Variants in RGS6 observed in about 807,000 individuals in gnomAD.
RGS6 encodes regulator of G protein signaling 6, also known as regulator of G-protein signaling 6.
RGS6 carries 30 observed loss-of-function variants against 78.5 expected under a neutral mutation model. That is an observed-to-expected ratio of 0.38 (90% CI 0.29 to 0.52). The LOEUF is 0.52. Ranked by LOEUF, RGS6 falls within the 20% of genes least tolerant of loss-of-function variation. RGS6 has a pLI of 0.85. For missense variants in RGS6, 495 were observed against 609.7 expected (o/e 0.81, Z 1.98); for synonymous variants, 206 against 206.0 (o/e 1.00, Z 0.00).
intron 2 of RGS6, among the ~76,000 whole-genome samples, chr14:72,188,351 C>A (rs2097276217): frequency 6.6e-6 from 1 of 152,192 alleles, no homozygotes; most frequent in Non-Finnish European, 1.5e-5. Flanking sequence ...AGTATTTGCT[C>A]AGAACCACCA....
At chr14:72,007,913 C>T (rs2084897805) in intron 2 of RGS6, among the ~76,000 whole-genome samples, 1 of 152,130 alleles carries the variant, frequency 6.6e-6, no homozygotes, top group Non-Finnish European at 1.5e-5. Flanking sequence ...ATAAAGAGTA[C>T]AAAATGCAGA....
At chr14:72,532,235 A>T (rs1372076533) in intron 15 of RGS6, among the ~76,000 whole-genome samples, 3 of 152,194 alleles carry the variant, frequency 2.0e-5, no homozygotes, top group African/African-American at 7.2e-5. Context: ...TTATATGTTT[A>T]TGGTGATCTG....
chr14:71,961,191 A>G (rs1383316474), intron 1 of RGS6, among the ~76,000 whole-genome samples: 3 of 152,182 alleles, frequency 2.0e-5, no homozygotes, highest in Admixed American at 6.5e-5. Context: ...GAGTGCTGTC[A>G]TGAATAGAGG....
chr14:72,563,955 G>T lies in RGS6; in HGVS notation c.*1488G>T, dbSNP rs985093694. ...ACAAAAAACATAGAAGCAATAAAGCGATCGCTGGTATTTCTTTTCTCATGC... is the reference window on the plus strand; with the variant it reads ...ACAAAAAACATAGAAGCAATAAAGCTATCGCTGGTATTTCTTTTCTCATGC... On this transcript the variant is annotated 3_prime_UTR_variant, in exon 18 of 18. Transcript: ENST00000553525. 1 of 152,070 alleles carries T rather than the reference G, an allele frequency of 6.6e-6. No individual in the cohort carries two copies. The highest frequency in any genetic ancestry group is 1.5e-5 in the Non-Finnish European group (1 of 68,012). The allele number at this position is 152,070 out of a possible 1,614,324, so 9.4% of individuals were successfully genotyped here.
the RGS6 span, among the ~76,000 whole-genome samples, chr14:72,611,121 C>A: frequency 4.6e-5 from 7 of 152,226 alleles, no homozygotes; most frequent in East Asian, 1.4e-3. Flanking sequence ...GGCCACCCCC[C>A]ACAGAGAAGC....
the RGS6 span, among the ~76,000 whole-genome samples, chr14:72,594,074 G>T: frequency 1.3e-5 from 2 of 152,166 alleles, no homozygotes; most frequent in African/African-American, 4.8e-5. Flanking sequence ...AGCCCCAAAA[G>T]ATAGTGTGGG....
At chr14:72,160,808 G>A (rs2096842287) in intron 2 of RGS6, among the ~76,000 whole-genome samples, 1 of 152,142 alleles carries the variant, frequency 6.6e-6, no homozygotes, top group African/African-American at 2.4e-5. Flanking sequence ...CAGCCCTCCA[G>A]GACTGTGAGA....
At chr14:72,188,501 ATCAT>A (rs2097279485) in intron 2 of RGS6, among the ~76,000 whole-genome samples, 1 of 151,994 alleles carries the variant, frequency 6.6e-6, no homozygotes, top group African/African-American at 2.4e-5. Flanking sequence ...CATCATCATC[ATCAT>A]CAATGAAAAT....
intron 3 of RGS6, among the ~76,000 whole-genome samples, chr14:72,364,479 G>A (rs944397531): frequency 7.2e-5 from 11 of 152,124 alleles, no homozygotes; most frequent in Non-Finnish European, 1.0e-4. Context: ...AGACTTTCTA[G>A]CCATTTGAGA....
At chr14:72,046,332 A>G (rs1016664315) in intron 2 of RGS6, among the ~76,000 whole-genome samples, 2 of 151,912 alleles carry the variant, frequency 1.3e-5, no homozygotes, top group African/African-American at 4.8e-5. Flanking sequence ...CCCATGTCCA[A>G]TGTCTATTTT....
intron 1 of RGS6, among the ~76,000 whole-genome samples, chr14:71,963,650 T>C (rs2093346044): frequency 6.6e-6 from 1 of 152,244 alleles, no homozygotes; most frequent in African/African-American, 2.4e-5. Flanking sequence ...TGTTTTCACT[T>C]AGCATGTTTT....
intron 2 of RGS6, among the ~76,000 whole-genome samples, chr14:72,232,705 G>A (rs1280078963): frequency 3.9e-5 from 6 of 152,154 alleles, no homozygotes; most frequent in Non-Finnish European, 7.4e-5. Flanking sequence ...GAATGCTGGG[G>A]ACCTTATTGA....
chr14:71,883,668 T>C, the RGS6 span, among the ~76,000 whole-genome samples: 1 of 152,186 alleles, frequency 6.6e-6, no homozygotes, highest in African/African-American at 2.4e-5. Flanking sequence ...TGATAAAACA[T>C]GTTGCAGTAA....
chr14:72,177,800 G>A (rs2097126015), intron 2 of RGS6, among the ~76,000 whole-genome samples: 1 of 152,168 alleles, frequency 6.6e-6, no homozygotes, highest in Non-Finnish European at 1.5e-5. Context: ...TCTAGTAATA[G>A]GAGAAAATCG....
chr14:72,034,672 CA>C (rs35005451), intron 2 of RGS6, among the ~76,000 whole-genome samples: 1 of 151,930 alleles, frequency 6.6e-6, no homozygotes, highest in African/African-American at 2.4e-5. Context: ...ATGCTGGCCT[CA>C]AAAAAATGAG....
chr14:72,101,526 G>GT (rs945717476), intron 2 of RGS6, among the ~76,000 whole-genome samples: 18 of 152,184 alleles, frequency 1.2e-4, no homozygotes, highest in Non-Finnish European at 2.2e-4. Context: ...TGTAGCTGTG[G>GT]CAGGAGGCTT....
At chr14:72,402,476 A>C (rs1052709233) in intron 3 of RGS6, among the ~76,000 whole-genome samples, 1 of 152,204 alleles carries the variant, frequency 6.6e-6, no homozygotes, top group South Asian at 2.1e-4. Flanking sequence ...AAGTAAACAT[A>C]CAAATGGCCA....
At chr14:72,459,433 C>T (rs113255234) in intron 5 of RGS6, among the ~76,000 whole-genome samples, 199 bp from the exon 6 acceptor site, 1 of 152,202 alleles carries the variant, frequency 6.6e-6, no homozygotes, top group Non-Finnish European at 1.5e-5. Context: ...GTTTTGCTTA[C>T]TTACATTTTG....
intron 3 of RGS6, among the ~76,000 whole-genome samples, chr14:72,376,541 T>G (rs1011370877): frequency 6.6e-6 from 1 of 152,170 alleles, no homozygotes; most frequent in African/African-American, 2.4e-5. Flanking sequence ...TGAGGCACAT[T>G]TTAGTCAAAT....
Sources: gnomAD v4.1 joint callset for allele counts (sites outside exome capture counted in the v4.1 genomes callset) on GRCh38, gnomAD v4.1.1 for gene constraint, MANE v1.5 for transcripts, NCBI Gene and HGNC (gene_info 2026-07-23, HGNC 2026-07-21) for gene names.